BAIAP2: variants seen among roughly 807,000 people sequenced by gnomAD.
The protein encoded by BAIAP2 is BAR/IMD domain containing adaptor protein 2.
In BAIAP2, 18 loss-of-function variants were observed where a neutral mutation model predicts 63.0. That is an observed-to-expected ratio of 0.29 (90% CI 0.20 to 0.42). The LOEUF (loss-of-function observed/expected upper bound fraction) is 0.42, where lower values mean the gene tolerates loss of function less well. Among genes scored for constraint, BAIAP2 ranks in the 10% least tolerant of loss-of-function variants. The pLI is 1.00. For synonymous variants in BAIAP2, 386 were observed against 307.6 expected (o/e 1.25, Z -2.67); for missense variants, 610 against 734.3 (o/e 0.83, Z 1.96).
At chr17:81,082,682 C>G (rs1218508661) in intron 3 of BAIAP2, among the ~76,000 whole-genome samples, 1 of 152,200 alleles carries the variant, frequency 6.6e-6, no homozygotes, top group African/African-American at 2.4e-5. Context: ...AATCTGTGCC[C>G]CTGACACGGA....
intron 3 of BAIAP2, among the ~76,000 whole-genome samples, chr17:81,081,839 C>T (rs531026370): frequency 1.9e-4 from 29 of 152,228 alleles, no homozygotes; most frequent in African/African-American, 6.7e-4. Context: ...CCCAGGGGGC[C>T]ATCGCTGGGC....
chr17:81,052,554 C>T (rs974753438), intron 1 of BAIAP2, among the ~76,000 whole-genome samples: 2 of 152,174 alleles, frequency 1.3e-5, no homozygotes, highest in Non-Finnish European at 2.9e-5. Flanking sequence ...CTCGGGGCCT[C>T]GTTTCCCAAG....
At chr17:81,096,621 G>A (rs7219818) in intron 6 of BAIAP2, among the ~76,000 whole-genome samples, 3 of 152,174 alleles carry the variant, frequency 2.0e-5, no homozygotes, top group East Asian at 3.9e-4. Flanking sequence ...CTTGTTTCTC[G>A]GAGCACACCC....
intron 13 of BAIAP2, among the ~76,000 whole-genome samples, chr17:81,110,691 G>T (rs2059817211): frequency 6.6e-6 from 1 of 152,206 alleles, no homozygotes; most frequent in African/African-American, 2.4e-5. Flanking sequence ...CTCTGCGGGG[G>T]GCCGTCTGCA....
At chr17:81,058,332 C>T (rs1418151010) in intron 3 of BAIAP2, among the ~76,000 whole-genome samples, 3 of 152,188 alleles carry the variant, frequency 2.0e-5, no homozygotes, top group East Asian at 1.9e-4. Flanking sequence ...TGCAAGCCCA[C>T]GTGTGGTGTG....
At position 81,115,943 on chromosome 17, in the gene BAIAP2, C is replaced by T. The variant is rs1048994989; in HGVS notation, c.*104C>T. The T allele has an allele frequency of 7.1e-6, 11 of 1,546,596 alleles. No individual in the cohort carries two copies. The African/African-American group carries it at 1.4e-4, about 19-fold the overall frequency. ...TTCCTGTGTAGAGAACATCCAGGCC[C>T]CGGCTGCCTGGTCTTGCCCCACTTG... On this transcript the variant is annotated 3_prime_UTR_variant, in exon 14 of 14. Coordinates refer to ENST00000428708, the MANE Select transcript of BAIAP2 (RefSeq NM_001144888.2).
intron 12 of BAIAP2, chr17:81,108,258 T>G (rs1598824684): frequency 1.7e-6 from 1 of 598,364 alleles, no homozygotes. Flanking sequence ...CTGGAGGAGG[T>G]ATCCCCTTTA....
intron 3 of BAIAP2, among the ~76,000 whole-genome samples, chr17:81,076,679 A>C (rs1042304524): frequency 1.3e-5 from 2 of 152,188 alleles, no homozygotes. Context: ...CCATAGGGTG[A>C]AGTTGTATTC....
chr17:81,078,488 G>A (rs1180271133), intron 3 of BAIAP2, among the ~76,000 whole-genome samples: 2 of 132,054 alleles, frequency 1.5e-5, no homozygotes, highest in African/African-American at 5.9e-5. Context: ...GGCGCTGTGG[G>A]TGCAGGTGCC....
chr17:81,113,155 C>CG (rs1012017890), intron 13 of BAIAP2, among the ~76,000 whole-genome samples: 1 of 152,230 alleles, frequency 6.6e-6, no homozygotes, highest in Non-Finnish European at 1.5e-5. Flanking sequence ...AGACAGAGCC[C>CG]AGGCCTCTGC....
intron 6 of BAIAP2, among the ~76,000 whole-genome samples, chr17:81,094,607 G>C (rs1194661428): frequency 6.6e-6 from 1 of 152,186 alleles, no homozygotes; most frequent in Non-Finnish European, 1.5e-5. Context: ...CGTGTGTTCA[G>C]CGTGAGATTT....
intron 7 of BAIAP2, among the ~76,000 whole-genome samples, chr17:81,103,210 C>T (rs2145890335): frequency 6.6e-6 from 1 of 152,352 alleles, no homozygotes; most frequent in African/African-American, 2.4e-5. Flanking sequence ...CCTGTCCGTT[C>T]CTCCTTCCTC....
At chr17:81,055,569 G>GTTTTTTTT (rs1555657837) in intron 2 of BAIAP2, among the ~76,000 whole-genome samples, 28 of 94,184 alleles carry the variant, frequency 3.0e-4, no homozygotes, top group Admixed American at 1.1e-3. Flanking sequence ...TCTGCAGGGT[G>GTTTTTTTT]TTTTGTTTTT....
At chr17:81,050,326 G>A (rs2048467815) in intron 1 of BAIAP2, among the ~76,000 whole-genome samples, 1 of 151,302 alleles carries the variant, frequency 6.6e-6, no homozygotes, top group African/African-American at 2.4e-5. Context: ...GATGGAGGCA[G>A]GGCCGTGCCC....
intron 13 of BAIAP2, chr17:81,110,779 C>T (rs2059831206): frequency 1.5e-6 from 2 of 1,299,334 alleles, no homozygotes; most frequent in East Asian, 2.3e-5. Flanking sequence ...AGAGCCAGAG[C>T]CCCAGCTGTG....
At chr17:81,091,374 G>T (rs961298262) in intron 6 of BAIAP2, among the ~76,000 whole-genome samples, 6 of 152,136 alleles carry the variant, frequency 3.9e-5, no homozygotes, top group African/African-American at 1.4e-4. Flanking sequence ...TCCTAAAGCG[G>T]TTGGTTGCTT....
At position 81,046,412 on chromosome 17, in the gene BAIAP2, C is replaced by G. The variant is rs1204695571; in HGVS notation, c.55-7256C>G. On this transcript the variant is annotated intron_variant, in intron 1 of 13. Transcript: ENST00000428708. This position sits in a 1 kb window ranked among gnomAD's most constrained non-coding sequence, Gnocchi z 4.5. The stretch of plus-strand genomic sequence containing the variant: ...TTCCTTCAGGAAGGATCCTCCAGGA[C>G]AGATGTCCAAGTGTTTAGAGGGGAC... Among the ~76,000 whole-genome samples, 1 of 152,124 alleles carries G rather than the reference C, an allele frequency of 6.6e-6. No homozygotes were observed. The highest frequency in any genetic ancestry group is 1.5e-5 in the Non-Finnish European group (1 of 68,004).
rs373270072 is a variant in BAIAP2, at chr17:81,103,636, G to A, written c.777G>A (p.Ser259=). 1.8e-5 allele frequency: 29 copies of A among 1,605,376 alleles called. No individual in the cohort carries two copies. Among genetic ancestry groups the A allele is most frequent in the South Asian group, 5.5e-5 (5 of 90,922 alleles). The change falls in exon 8 of 14, where the codon TCG becomes TCA. Residue 259 remains serine (S), a synonymous_variant. Coordinates refer to ENST00000428708, the MANE Select transcript of BAIAP2 (RefSeq NM_001144888.2). ...SNGATLPSAL[S]ASKSNLVISD... ...GCGCCACCCTCCCCAGCGCCCTGTC[G>A]GCCTCCAAGTCCAACCTGGTCATTT...
chr17:81,082,339 C>T (rs1446694483), intron 3 of BAIAP2, among the ~76,000 whole-genome samples: 4 of 152,222 alleles, frequency 2.6e-5, no homozygotes, highest in African/African-American at 4.8e-5. Flanking sequence ...TGATACCTCC[C>T]CGGGGTCTGC....
Sources: allele counts gnomAD v4.1 joint callset (sites outside exome capture counted in the v4.1 genomes callset), GRCh38; gene constraint gnomAD v4.1.1; non-coding constraint Gnocchi (gnomAD v3.1); transcripts MANE v1.5; gene names NCBI Gene and HGNC (gene_info 2026-07-23, HGNC 2026-07-21).